GBP3: variants seen among roughly 807,000 people sequenced by gnomAD.
GBP3 encodes the protein guanylate binding protein 3.
GBP3 carries 55 observed loss-of-function variants against 62.4 expected under a neutral mutation model. The observed-to-expected ratio is 0.88, with a 90% confidence interval of 0.71 to 1.10. GBP3 has a LOEUF of 1.10. Ranked by LOEUF, GBP3 falls within the 50% of genes least tolerant of loss-of-function variation. GBP3 has a pLI of 0.00. For synonymous variants in GBP3, 208 were observed against 259.2 expected, an observed-to-expected ratio of 0.80 and a Z score of 1.90; for missense variants, 605 against 690.6, an observed-to-expected ratio of 0.88 and a Z score of 1.39.
rs756524410 is a variant in GBP3 at position 89,014,254 on chromosome 1, T to A, written c.454A>T (p.Ile152Phe). ...TCATCAGGTGAGGATTTTGATCGGA[T>A]TCGATGTGTCAGCTCTGTCACATAG... ...LYYVTELTHRIRSKSSPDENE... is the reference protein window; with the variant it reads ...LYYVTELTHRFRSKSSPDENE... The change falls in exon 5 of 11, where the codon ATC becomes TTC. Residue 152 changes from isoleucine to phenylalanine, a missense_variant. Coordinates refer to ENST00000370481, the MANE Select transcript of GBP3 (RefSeq NM_018284.3). 10 of 1,614,062 alleles carry A rather than the reference T, an allele frequency of 6.2e-6. No homozygotes were observed. Among genetic ancestry groups the A allele is most frequent in the Non-Finnish European group, 7.6e-6 (9 of 1,180,034 alleles).
chr1:89,014,016 G>A (rs184102383), intron 5 of GBP3, 67 bp downstream of exon 5: 1 of 1,512,226 alleles, frequency 6.6e-7, no homozygotes, highest in African/African-American at 1.4e-5. Flanking sequence ...ACTATCAATA[G>A]TAAACTAAAA....
intron 1 of GBP3, among the ~76,000 whole-genome samples, chr1:89,021,822 A>AGAGAGAGAGG: frequency 8.2e-6 from 1 of 121,766 alleles, no homozygotes; most frequent in African/African-American, 2.9e-5. Flanking sequence ...AGAGAGAGAG[A>AGAGAGAGAGG]GAGAGAGAGA....
intron 2 of GBP3, among the ~76,000 whole-genome samples, chr1:89,019,268 C>T (rs575246633): frequency 6.6e-6 from 1 of 152,268 alleles, no homozygotes; most frequent in Admixed American, 6.5e-5. Flanking sequence ...AATTACTTAG[C>T]CTTGAAAAGG....
In GBP3 at chr1:89,007,831, C is replaced by G. The variant is rs113228909; in HGVS notation, c.1681G>C (p.Glu561Gln). Reference sequence around the variant, plus strand: ...TGGGTACTTTCACCTTGGCATCTCTCCTTTAGTACTCGGGCCTGTTCCTAA... The same window carrying G: ...TGGGTACTTTCACCTTGGCATCTCTGCTTTAGTACTCGGGCCTGTTCCTAA... ...KLQEQARVLK[E>Q]RCQGESTQLQ... The change falls in exon 11 of 11, where the codon GAG becomes CAG. Residue 561 changes from glutamate to glutamine, a missense_variant. Transcript: ENST00000370481. 7.3e-4 allele frequency: 1,185 copies of G among 1,613,336 alleles called. 4 individuals carry two copies. The African/African-American group carries it at 0.013, about 18-fold the overall frequency.
chr1:89,009,814 A>G (rs968882366), intron 8 of GBP3, among the ~76,000 whole-genome samples: 1 of 152,190 alleles, frequency 6.6e-6, no homozygotes, highest in Non-Finnish European at 1.5e-5. Context: ...CCTCCTTGAG[A>G]GAGCAAATCA....
chr1:89,021,499 T>TGTGC (rs1679188342), intron 1 of GBP3, among the ~76,000 whole-genome samples: 1 of 119,054 alleles, frequency 8.4e-6, no homozygotes, highest in African/African-American at 3.1e-5. Context: ...GAAACACGCA[T>TGTGC]GCGCGCGCGC....
In GBP3 at chr1:89,010,911, C is replaced by G; in HGVS notation, c.1355G>C (p.Gly452Ala). 5 of 1,461,636 alleles carry G rather than the reference C, an allele frequency of 3.4e-6. 2 individuals carry two copies. The highest frequency in any genetic ancestry group is 4.7e-6 in the Non-Finnish European group (5 of 1,054,988). The allele number at this position is 1,461,636 out of a possible 1,614,324, so 90.5% of individuals were successfully genotyped here. A position where few individuals can be genotyped will look rare whatever the true frequency, so the allele number is the denominator to read the frequency against. Residue 452 changes from glycine (G) to alanine (A), a missense_variant, in exon 8 of 11, where the codon GGG becomes GCG. Physicochemically the swap from Gly to Ala is moderately conservative, Grantham distance 60. Transcript: ENST00000370481. Reference sequence around the variant, plus strand: ...CAGATGAATCTTGGTTACCTGTATCCCCTTCCTTGGTTCCTCATAGTACTT... The same window carrying G: ...CAGATGAATCTTGGTTACCTGTATCGCCTTCCTTGGTTCCTCATAGTACTT... ...EKKYYEEPRK[G>A]IQAEEILQTY...
chr1:89,015,751 A>G (rs1678853523), intron 2 of GBP3, among the ~76,000 whole-genome samples: 1 of 149,744 alleles, frequency 6.7e-6, no homozygotes, highest in African/African-American at 2.4e-5. Flanking sequence ...TCTTAAAAAA[A>G]AAAAAAAAAA....
intron 1 of GBP3, among the ~76,000 whole-genome samples, chr1:89,021,510 G>GCGCACACACACACACACACACA (rs751639388): frequency 9.9e-5 from 13 of 131,664 alleles, no homozygotes; most frequent in African/African-American, 3.9e-4. Flanking sequence ...GCGCGCGCGC[G>GCGCACACACACACACACACACA]CACACACACA....
At chr1:89,008,795 T>C (rs1678381579) in intron 10 of GBP3, 152 bp downstream of exon 10, 1 of 1,441,434 alleles carries the variant, frequency 6.9e-7, no homozygotes, top group Admixed American at 2.5e-5. Context: ...GCAGTGGCCA[T>C]TTCAAGTCAG....
At position 89,012,797 on chromosome 1, in the gene GBP3, A is replaced by G. The variant is rs1193668851; in HGVS notation, c.868+388T>C. Among the ~76,000 whole-genome samples, 25 of 137,604 alleles carry G rather than the reference A, an allele frequency of 1.8e-4. 3 individuals are homozygous for G. In the Admixed American group the frequency reaches 1.9e-3, roughly 10 times the overall value. 90.3% of individuals were successfully genotyped at this position (137,604 alleles called of 152,430 possible). A position where few individuals can be genotyped will look rare whatever the true frequency, so the allele number is the denominator to read the frequency against. ...GTCATCTAGAATTTAGCACAAATGT[A>G]GCAGTAGATTGGGATTTTTCAATGC... On this transcript the variant is annotated intron_variant, in intron 6 of 10. Coordinates refer to ENST00000370481, the MANE Select transcript of GBP3 (RefSeq NM_018284.3).
intron 1 of GBP3, among the ~76,000 whole-genome samples, chr1:89,021,499 T>TGCGCGC (rs143944083): frequency 0.059 from 6,935 of 118,252 alleles, 198 homozygotes; most frequent in Middle Eastern, 0.085. Flanking sequence ...GAAACACGCA[T>TGCGCGC]GCGCGCGCGC....
At position 89,011,972 on chromosome 1, in the gene GBP3, G is replaced by C; in HGVS notation, c.924C>G (p.Pro308=). The C allele has an allele frequency of 1.4e-6, 2 of 1,462,434 alleles. 1 individual carries two copies. The highest frequency in any genetic ancestry group is 4.6e-5 in the East Asian group (2 of 43,208). 90.6% of individuals were successfully genotyped at this position (1,462,434 alleles called of 1,614,324 possible). The change falls in exon 7 of 11, where the codon CCC becomes CCG. Residue 308 remains proline, a synonymous_variant. Coordinates refer to ENST00000370481, the MANE Select transcript of GBP3 (RefSeq NM_018284.3). ...AGGCCAGGACTGCGTTCTCCATGCAGGGCAGATCCCCTCTGCTGATAGCAT... is the reference window on the plus strand; with the variant it reads ...AGGCCAGGACTGCGTTCTCCATGCACGGCAGATCCCCTCTGCTGATAGCAT... ...YINAISRGDL[P]CMENAVLALA...
chr1:89,022,309 T>C (rs185114554), intron 1 of GBP3, among the ~76,000 whole-genome samples: 2 of 152,306 alleles, frequency 1.3e-5, no homozygotes, highest in Non-Finnish European at 2.9e-5. Flanking sequence ...CTTAGCTGCA[T>C]AGGAGCAGGA....
At chr1:89,020,108 A>T (rs749444455) in intron 2 of GBP3, 1 of 271,036 alleles carries the variant, frequency 3.7e-6, no homozygotes, top group African/African-American at 2.2e-5. Context: ...GTGTGGTGGC[A>T]TGCATCTGTA....
At chr1:89,017,966 C>T (rs535998895) in intron 2 of GBP3, among the ~76,000 whole-genome samples, 63 of 152,010 alleles carry the variant, frequency 4.1e-4, no homozygotes, top group African/African-American at 1.4e-3. Flanking sequence ...GTAATCTCAC[C>T]TACTTGGGAG....
At chr1:89,021,788 T>TGAGAGAGA (rs146229731) in intron 1 of GBP3, among the ~76,000 whole-genome samples, 3,375 of 65,274 alleles carry the variant, frequency 0.052, 417 homozygotes, top group Non-Finnish European at 0.068. Flanking sequence ...GCTGGAAAGA[T>TGAGAGAGA]GAGAGAGAGA....
intron 2 of GBP3, among the ~76,000 whole-genome samples, chr1:89,019,030 G>T (rs945022375): frequency 6.6e-6 from 1 of 152,232 alleles, no homozygotes; most frequent in Non-Finnish European, 1.5e-5. Context: ...GCTAAATGGT[G>T]CAGTCACTGT....
chr1:89,011,238 C>T, intron 7 of GBP3, 122 bp from the exon 8 acceptor site: 1 of 1,230,588 alleles, frequency 8.1e-7, no homozygotes, highest in Non-Finnish European at 1.2e-6. Flanking sequence ...TGACAGACTC[C>T]TCAGCAGGAC....
Sources: allele counts gnomAD v4.1 joint callset (sites outside exome capture counted in the v4.1 genomes callset), GRCh38; gene constraint gnomAD v4.1.1; transcripts MANE v1.5; gene names NCBI Gene and HGNC (gene_info 2026-07-23, HGNC 2026-07-21).